CTNNA3: variants seen among roughly 807,000 people sequenced by gnomAD.
CTNNA3 encodes catenin alpha-3.
Under a neutral mutation model 95.7 loss-of-function variants are expected in CTNNA3, and 76 were observed. The ratio of observed to expected loss-of-function variants is 0.79; its 90% confidence interval spans 0.66 to 0.96. The LOEUF (loss-of-function observed/expected upper bound fraction) is 0.96. Ranked by LOEUF, CTNNA3 falls within the 40% of genes least tolerant of loss-of-function variation. The pLI is 0.00. For missense variants in CTNNA3, 1,191 were observed against 1,089.8 expected (o/e 1.09, Z -1.31); for synonymous variants, 431 against 374.4 (o/e 1.15, Z -1.74).
At chr10:67,355,473 G>T (rs746469619) in intron 5 of CTNNA3, among the ~76,000 whole-genome samples, 2 of 151,796 alleles carry the variant, frequency 1.3e-5, no homozygotes, top group Non-Finnish European at 2.9e-5. Flanking sequence ...AAGAATCATG[G>T]AATTTATGAT....
At chr10:66,856,047 T>A (rs1203896963) in intron 7 of CTNNA3, among the ~76,000 whole-genome samples, 1 of 151,940 alleles carries the variant, frequency 6.6e-6, no homozygotes, top group Admixed American at 6.6e-5. Context: ...ATAAGCATAG[T>A]ACCAGATAGG....
chr10:65,922,259 C>T (rs960000027), intron 17 of CTNNA3, among the ~76,000 whole-genome samples: 3 of 152,144 alleles, frequency 2.0e-5, no homozygotes, highest in Admixed American at 2.0e-4. Flanking sequence ...GACTAGCCAG[C>T]AACTCTGCTT....
chr10:66,517,269 G>A (rs67702377), intron 11 of CTNNA3, among the ~76,000 whole-genome samples: 6,753 of 152,094 alleles, frequency 0.044, 430 homozygotes, highest in East Asian at 0.31. Flanking sequence ...TCAGAGGCAT[G>A]TGAATCAGAA....
chr10:66,337,809 A>C (rs2092412907), intron 12 of CTNNA3, among the ~76,000 whole-genome samples: 1 of 152,128 alleles, frequency 6.6e-6, no homozygotes, highest in Non-Finnish European at 1.5e-5. Flanking sequence ...TGGGAATATA[A>C]AATGGTGCAG....
intron 16 of CTNNA3, among the ~76,000 whole-genome samples, chr10:65,980,413 A>G (rs1011344593): frequency 2.0e-5 from 3 of 151,948 alleles, no homozygotes; most frequent in Non-Finnish European, 4.4e-5. Flanking sequence ...TCAAAGAGGA[A>G]TTGATACCAA....
chr10:66,468,848 A>C (rs1839024830), intron 11 of CTNNA3, among the ~76,000 whole-genome samples: 1 of 151,970 alleles, frequency 6.6e-6, no homozygotes, highest in South Asian at 2.1e-4. Context: ...GTATTTTTTC[A>C]ATAGTTTTAT....
chr10:66,003,292 TG>T (rs532313287), intron 15 of CTNNA3, among the ~76,000 whole-genome samples: 1 of 151,914 alleles, frequency 6.6e-6, no homozygotes, highest in Non-Finnish European at 1.5e-5. Flanking sequence ...TTATTACTAT[TG>T]CCATTGCTGC....
chr10:67,533,323 CA>C (rs34612488), intron 4 of CTNNA3, among the ~76,000 whole-genome samples: 2,805 of 112,664 alleles, frequency 0.025, 70 homozygotes, highest in African/African-American at 0.073. Context: ...ATCTCTGTCT[CA>C]AAAAAAAAAA....
intron 7 of CTNNA3, among the ~76,000 whole-genome samples, chr10:66,969,870 T>G (rs1428363197): frequency 3.3e-5 from 5 of 151,922 alleles, no homozygotes; most frequent in Non-Finnish European, 7.4e-5. Context: ...ACATGGAGAG[T>G]ATCTGTAACT....
intron 7 of CTNNA3, among the ~76,000 whole-genome samples, chr10:67,077,568 T>C (rs968597845): frequency 1.3e-5 from 2 of 152,146 alleles, no homozygotes; most frequent in African/African-American, 4.8e-5. Flanking sequence ...TTCTACTTGA[T>C]TCATTCATCT....
At chr10:66,736,847 A>C (rs1849160925) in intron 9 of CTNNA3, among the ~76,000 whole-genome samples, 1 of 152,162 alleles carries the variant, frequency 6.6e-6, no homozygotes, top group South Asian at 2.1e-4. Flanking sequence ...TATATGGCTT[A>C]CAATGTGATA....
chr10:67,206,631 G>C (rs758141771), intron 6 of CTNNA3, among the ~76,000 whole-genome samples: 34 of 150,214 alleles, frequency 2.3e-4, no homozygotes, highest in Admixed American at 2.3e-3. Context: ...TCAACAAAAA[G>C]CACTTCCACT....
intron 5 of CTNNA3, among the ~76,000 whole-genome samples, chr10:67,479,857 A>G (rs573482030): frequency 6.6e-6 from 1 of 152,300 alleles, no homozygotes; most frequent in East Asian, 1.9e-4. Flanking sequence ...TAACAAAGAA[A>G]AAAAGAAAGA....
At chr10:66,795,444 T>C (rs1841149281) in intron 7 of CTNNA3, among the ~76,000 whole-genome samples, 1 of 152,134 alleles carries the variant, frequency 6.6e-6, no homozygotes, top group African/African-American at 2.4e-5. Context: ...ATAGTGAGCT[T>C]AAAATGTTCA....
intron 5 of CTNNA3, among the ~76,000 whole-genome samples, chr10:67,473,886 T>C (rs1001594820): frequency 6.6e-6 from 1 of 152,172 alleles, no homozygotes; most frequent in African/African-American, 2.4e-5. Flanking sequence ...ATTGGAACTT[T>C]ATATTATTCT....
At chr10:67,558,551 C>T (rs374256731) in intron 3 of CTNNA3, among the ~76,000 whole-genome samples, 6 of 152,354 alleles carry the variant, frequency 3.9e-5, no homozygotes, top group South Asian at 2.1e-4. Context: ...CAGCTCCCAG[C>T]GTGAGCGACG....
chr10:67,103,315 CTA>C (rs1256292215), intron 7 of CTNNA3, among the ~76,000 whole-genome samples: 1 of 151,832 alleles, frequency 6.6e-6, no homozygotes, highest in Non-Finnish European at 1.5e-5. Flanking sequence ...CAAAAGACAA[CTA>C]TATATAAAAT....
At chr10:66,067,809 G>A (rs964048805) in intron 15 of CTNNA3, among the ~76,000 whole-genome samples, 1 of 152,054 alleles carries the variant, frequency 6.6e-6, no homozygotes, top group Middle Eastern at 3.2e-3. Context: ...CCAGCTACTC[G>A]GGAGGCTGAG....
intron 12 of CTNNA3, among the ~76,000 whole-genome samples, chr10:66,339,454 T>C (rs1221253221): frequency 6.6e-6 from 1 of 151,826 alleles, no homozygotes; most frequent in Non-Finnish European, 1.5e-5. Context: ...TCACCAATTA[T>C]GAAATTTCTT....
Sources: gnomAD v4.1 joint callset for allele counts (sites outside exome capture counted in the v4.1 genomes callset) on GRCh38, gnomAD v4.1.1 for gene constraint, MANE v1.5 for transcripts, NCBI Gene and HGNC (gene_info 2026-07-23, HGNC 2026-07-21) for gene names.